BTBD16: variants seen among roughly 807,000 people sequenced by gnomAD.
The protein encoded by BTBD16 is BTB domain containing 16.
Under a neutral mutation model 67.4 loss-of-function variants are expected in BTBD16, and 66 were observed. The observed-to-expected ratio is 0.98, with a 90% confidence interval of 0.80 to 1.20. The LOEUF is 1.20. Among genes scored for constraint, BTBD16 ranks in the 50% most tolerant of loss-of-function variants. The pLI is 0.00. For missense variants in BTBD16, 634 were observed against 616.0 expected, an observed-to-expected ratio of 1.03 and a Z score of -0.31; for synonymous variants, 242 against 236.4, an observed-to-expected ratio of 1.02 and a Z score of -0.22.
chr10:122,315,132 A>G (rs1486689188), intron 10 of BTBD16, among the ~76,000 whole-genome samples: 1 of 151,908 alleles, frequency 6.6e-6, no homozygotes, highest in Non-Finnish European at 1.5e-5. Context: ...TCTCAAAATG[A>G]TATATAGTTT....
intron 9 of BTBD16, among the ~76,000 whole-genome samples, chr10:122,305,415 C>A (rs1421761154): frequency 1.3e-5 from 2 of 152,172 alleles, no homozygotes; most frequent in Non-Finnish European, 2.9e-5. Context: ...CCTCTTGGTG[C>A]TGTTCTCCTG....
intron 10 of BTBD16, among the ~76,000 whole-genome samples, chr10:122,316,790 C>CTT (rs528679644): frequency 1.2e-4 from 17 of 143,020 alleles, no homozygotes; most frequent in Admixed American, 7.0e-4. Flanking sequence ...GCACTGTAGA[C>CTT]TTTTTTTTTT....
At chr10:122,319,410 G>A (rs2096431854) in intron 10 of BTBD16, among the ~76,000 whole-genome samples, 1 of 152,044 alleles carries the variant, frequency 6.6e-6, no homozygotes, top group African/African-American at 2.4e-5. Context: ...AAATATATAT[G>A]TGAGGTAAGG....
intron 10 of BTBD16, among the ~76,000 whole-genome samples, chr10:122,311,746 A>G (rs903985491): frequency 1.3e-5 from 2 of 152,262 alleles, no homozygotes; most frequent in Non-Finnish European, 2.9e-5. Flanking sequence ...ACCAGCACCC[A>G]GACCAGAACA....
intron 4 of BTBD16, among the ~76,000 whole-genome samples, chr10:122,285,053 T>C (rs1413169407): frequency 6.6e-6 from 1 of 152,140 alleles, no homozygotes; most frequent in African/African-American, 2.4e-5. Context: ...AACAATATCA[T>C]AACATGGGTG....
intron 5 of BTBD16, among the ~76,000 whole-genome samples, chr10:122,287,071 C>A (rs1405172434): frequency 1.3e-5 from 2 of 152,204 alleles, no homozygotes; most frequent in East Asian, 1.9e-4. Context: ...CCTCCCTGAG[C>A]CTGAGCCTGG....
intron 10 of BTBD16, chr10:122,328,896 G>A (rs961955344): frequency 1.6e-5 from 14 of 875,100 alleles, no homozygotes; most frequent in African/African-American, 3.6e-5. Context: ...GAGTATAGCA[G>A]AACTGATCCT....
chr10:122,315,184 C>A (rs1306437510), intron 10 of BTBD16, among the ~76,000 whole-genome samples: 2 of 152,072 alleles, frequency 1.3e-5, no homozygotes, highest in Admixed American at 6.6e-5. Flanking sequence ...ATTAATTTTT[C>A]AAAGCAATAA....
rs75523494 is a variant in BTBD16, at chr10:122,317,186, T to C, written c.911+9878T>C. On this transcript the variant is annotated intron_variant, in intron 10 of 15. Coordinates refer to ENST00000260723, the MANE Select transcript of BTBD16 (RefSeq NM_144587.5). The stretch of plus-strand genomic sequence containing the variant: ...TAGCTTACTACAAGTATTTACTTTA[T>C]AATTTTTTTAATTTTTAAAACTTGA... Among the ~76,000 whole-genome samples, 500 of 152,366 alleles carry C rather than the reference T, an allele frequency of 3.3e-3. 5 individuals carry two copies. Among genetic ancestry groups the C allele is most frequent in the African/African-American group, 0.011 (475 of 41,584 alleles).
intron 7 of BTBD16, among the ~76,000 whole-genome samples, chr10:122,295,637 G>T (rs1013513451): frequency 6.6e-6 from 1 of 152,182 alleles, no homozygotes; most frequent in Admixed American, 6.5e-5. Flanking sequence ...GGCAGGGGAA[G>T]TGGGAGCGGG....
chr10:122,326,041 A>T (rs1156732304), intron 10 of BTBD16, among the ~76,000 whole-genome samples: 3 of 132,786 alleles, frequency 2.3e-5, no homozygotes, highest in African/African-American at 7.5e-5. Context: ...TATTTTGAGA[A>T]AAAAAAAAAG....
At chr10:122,316,495 C>T (rs866840329) in intron 10 of BTBD16, among the ~76,000 whole-genome samples, 32 of 152,280 alleles carry the variant, frequency 2.1e-4, no homozygotes, top group South Asian at 1.9e-3. Flanking sequence ...GGTGCTTACA[C>T]AAACCTAGAT....
chr10:122,307,396 T>G (rs1360811256), intron 10 of BTBD16, 88 bp downstream of exon 10: 29 of 1,354,262 alleles, frequency 2.1e-5, no homozygotes, highest in Non-Finnish European at 2.9e-5. Flanking sequence ...AAACCATCAG[T>G]GATATAATTT....
chr10:122,285,711 G>A (rs547676117), intron 4 of BTBD16, among the ~76,000 whole-genome samples: 3 of 152,268 alleles, frequency 2.0e-5, no homozygotes, highest in Admixed American at 6.5e-5. Flanking sequence ...TTACAGTGCC[G>A]GGGCTGAGAA....
At chr10:122,328,941 C>T in intron 10 of BTBD16, 1 of 572,408 alleles carries the variant, frequency 1.7e-6, no homozygotes, top group Non-Finnish European at 2.2e-6. Flanking sequence ...CCCACACAGC[C>T]GTTCTCTTCT....
rs566684609 is a variant in BTBD16, at chr10:122,302,647, G to A, written c.791+3513G>A. Among the ~76,000 whole-genome samples, 3 of 152,272 alleles carry A rather than the reference G, an allele frequency of 2.0e-5. No individual in the cohort carries two copies. The South Asian group carries it at 6.2e-4, about 32-fold the overall frequency. ...GGACAAGGTTCCTATGGGTGTCTGG[G>A]ACACCCCTGGGCACCCATCTCAAAT... On this transcript the variant is annotated intron_variant, in intron 9 of 15. Coordinates refer to ENST00000260723, the MANE Select transcript of BTBD16 (RefSeq NM_144587.5).
chr10:122,305,196 G>T (rs2096401461), intron 9 of BTBD16, among the ~76,000 whole-genome samples: 1 of 152,200 alleles, frequency 6.6e-6, no homozygotes, highest in African/African-American at 2.4e-5. Context: ...TACATGTGCA[G>T]GTTGTACATG....
At chr10:122,285,266 A>G (rs1018092374) in intron 4 of BTBD16, among the ~76,000 whole-genome samples, 1 of 152,048 alleles carries the variant, frequency 6.6e-6, no homozygotes, top group Non-Finnish European at 1.5e-5. Context: ...TCCTCTCCCC[A>G]TGGCCTCTTG....
At chr10:122,299,707 C>T (rs1032414075) in intron 9 of BTBD16, among the ~76,000 whole-genome samples, 1 of 152,216 alleles carries the variant, frequency 6.6e-6, no homozygotes, top group Non-Finnish European at 1.5e-5. Flanking sequence ...CATACCCCAA[C>T]CCTGAGGTCA....
Sources: allele counts gnomAD v4.1 joint callset (sites outside exome capture counted in the v4.1 genomes callset), GRCh38; gene constraint gnomAD v4.1.1; transcripts MANE v1.5; gene names NCBI Gene and HGNC (gene_info 2026-07-23, HGNC 2026-07-21).